Variants in URB1 observed in about 807,000 individuals in gnomAD.
URB1 encodes the protein nucleolar pre-ribosomal-associated protein 1.
URB1 carries 197 observed loss-of-function variants against 242.3 expected under a neutral mutation model. That is an observed-to-expected ratio of 0.81 (90% CI 0.72 to 0.91). The LOEUF (loss-of-function observed/expected upper bound fraction) is 0.91. Among genes scored for constraint, URB1 ranks in the 40% least tolerant of loss-of-function variants. The pLI, the probability that URB1 is intolerant of heterozygous loss-of-function variation, is 0.00. For missense variants in URB1, 2,721 were observed against 2,860.5 expected, an observed-to-expected ratio of 0.95 and a Z score of 1.11; for synonymous variants, 1,153 against 1,201.8, an observed-to-expected ratio of 0.96 and a Z score of 0.84.
At chr21:32,316,088 T>C (rs1012182464) in intron 38 of URB1, among the ~76,000 whole-genome samples, 2 of 152,222 alleles carry the variant, frequency 1.3e-5, no homozygotes, top group East Asian at 1.9e-4. Flanking sequence ...TGCGCACACA[T>C]GCAAGCATAC....
intron 30 of URB1, among the ~76,000 whole-genome samples, chr21:32,328,534 T>C (rs1419052867): frequency 6.6e-6 from 1 of 152,232 alleles, no homozygotes; most frequent in Non-Finnish European, 1.5e-5. Context: ...TTATATTGTT[T>C]TACAAAAGAT....
chr21:32,354,682 T>A (rs2123589878), intron 17 of URB1, among the ~76,000 whole-genome samples, 177 bp downstream of exon 17: 1 of 152,302 alleles, frequency 6.6e-6, no homozygotes, highest in East Asian at 1.9e-4. Context: ...ACAACAAGTG[T>A]TTCCCATTAC....
Position 32,385,559 on chromosome 21 carries a change from G to A in URB1, c.268C>T (p.Arg90Ter), listed in dbSNP as rs772154689. The change falls in exon 2 of 39, where the codon CGA becomes TGA. Residue 90 changes from arginine to a stop codon, truncating the protein, a stop_gained. Transcript: ENST00000382751. LOFTEE classifies it high-confidence loss of function. Reference protein sequence around the residue: ...EIFQLLSGEKRPESETMLIFQ... With the variant: ...EIFQLLSGEK ...GAACAACTTACTTCACTTTCAGGTCGTTTCTCTCCACTTAGGAGCTGGAAA... is the reference window on the plus strand; with the variant it reads ...GAACAACTTACTTCACTTTCAGGTCATTTCTCTCCACTTAGGAGCTGGAAA... The A allele has an allele frequency of 1.2e-5, 18 of 1,551,732 alleles. No homozygotes were observed. The South Asian group carries it at 1.4e-4, about 12-fold the overall frequency.
At chr21:32,372,146 T>C (rs748166524) in intron 8 of URB1, among the ~76,000 whole-genome samples, 1 of 152,196 alleles carries the variant, frequency 6.6e-6, no homozygotes, top group South Asian at 2.1e-4. Context: ...GGCATAACAA[T>C]GGTACCTGCG....
chr21:32,350,609 G>A, intron 20 of URB1, 95 bp downstream of exon 20: 2 of 1,385,020 alleles, frequency 1.4e-6, no homozygotes, highest in South Asian at 1.4e-5. Context: ...GTTCCAGGGA[G>A]CAAGAGTGTG....
Position 32,372,541 on chromosome 21 carries a change from T to G in URB1, c.967A>C (p.Asn323His). The G allele has an allele frequency of 6.4e-7, 1 of 1,551,642 alleles. No homozygotes were observed. Among genetic ancestry groups the G allele is most frequent in the Non-Finnish European group, 8.7e-7 (1 of 1,146,984 alleles). Reference sequence around the variant, plus strand: ...GTACCCAAAGATGCATCGTAAAAATTAATTCCATGCTTGAGTGAACAGCAA... The same window carrying G: ...GTACCCAAAGATGCATCGTAAAAATGAATTCCATGCTTGAGTGAACAGCAA... ...DLCCSLKHGI[N>H]FYDASLGTFG... The change falls in exon 8 of 39, where the codon AAT (asparagine) becomes CAT (histidine). Residue 323 changes from asparagine to histidine, a missense_variant. Coordinates refer to ENST00000382751, the MANE Select transcript of URB1 (RefSeq NM_014825.3).
rs1383999952 is a variant in URB1, at chr21:32,319,397, A to C, written c.5612T>G (p.Leu1871Arg). The C allele has an allele frequency of 6.5e-7, 1 of 1,527,302 alleles. No individual in the cohort carries two copies. The allele number at this position is 1,527,302 out of a possible 1,614,324, so 94.6% of individuals were successfully genotyped here. A position where few individuals can be genotyped will look rare whatever the true frequency, so the allele number is the denominator to read the frequency against. Reference protein sequence around the residue: ...ILESKFLETPLLSNVISLLHT... With the variant: ...ILESKFLETPRLSNVISLLHT... Reference sequence around the variant, plus strand: ...TAGCAAGGAGATCACATTAGACAGCAGCGGAGTCTCCAGAAACCTAAAACC... The same window carrying C: ...TAGCAAGGAGATCACATTAGACAGCCGCGGAGTCTCCAGAAACCTAAAACC... The change falls in exon 36 of 39, where the codon CTG becomes CGG. Residue 1871 changes from leucine to arginine, a missense_variant. Leu to Arg is a moderately radical substitution (Grantham distance 102). Transcript: ENST00000382751.
chr21:32,341,514 T>G lies in URB1; in HGVS notation c.4268A>C (p.Asn1423Thr). The G allele has an allele frequency of 6.4e-7, 1 of 1,551,518 alleles. No homozygotes were observed. The highest frequency in any genetic ancestry group is 8.7e-7 in the Non-Finnish European group (1 of 1,146,992). The change falls in exon 25 of 39, where the codon AAT becomes ACT. Residue 1423 changes from asparagine (N) to threonine (T), a missense_variant. Asn to Thr is a moderately conservative substitution (Grantham distance 65, BLOSUM62 0). Transcript: ENST00000382751. Reference protein sequence around the residue: ...LRLNALLHALNEVDPGDWQKF... With the variant: ...LRLNALLHALTEVDPGDWQKF... ...CTGCCAGTCACCAGGATCAACTTCA[T>G]TAAGTGCATGCTATGAATAAAATAA...
chr21:32,344,541 A>C lies in URB1; in HGVS notation c.4257+29T>G, dbSNP rs1251208564. On this transcript the variant is annotated intron_variant, in intron 24 of 38. Coordinates refer to ENST00000382751, the MANE Select transcript of URB1 (RefSeq NM_014825.3). ...AGCATACTCTTTCCCACAGAAATTT[A>C]ATCTGGATCTCTAAGAAAAGACACT... 1.9e-6 allele frequency: 3 copies of C among 1,547,692 alleles called. No individual in the cohort carries two copies. In the Admixed American group the frequency reaches 5.9e-5, roughly 30 times the overall value.
At chr21:32,387,861 C>G (rs2033599902) in intron 1 of URB1, among the ~76,000 whole-genome samples, 1 of 152,158 alleles carries the variant, frequency 6.6e-6, no homozygotes, top group Non-Finnish European at 1.5e-5. Context: ...CTAGTCAGCA[C>G]CTCTGAACAC....
chr21:32,329,894 A>G (rs1187498241), intron 30 of URB1, among the ~76,000 whole-genome samples: 1 of 152,210 alleles, frequency 6.6e-6, no homozygotes, highest in Non-Finnish European at 1.5e-5. Flanking sequence ...AGCAAAGATT[A>G]CATCATGTGT....
chr21:32,360,897 T>A, intron 13 of URB1, 110 bp downstream of exon 13: 1 of 659,306 alleles, frequency 1.5e-6, no homozygotes, highest in Non-Finnish European at 2.5e-6. Context: ...GGCTGACGGA[T>A]GAGCACGCAG....
intron 8 of URB1, 141 bp downstream of exon 8, chr21:32,372,366 A>G: frequency 8.5e-7 from 1 of 1,169,836 alleles, no homozygotes; most frequent in South Asian, 1.8e-5. Context: ...CTCTGGGACT[A>G]CAACTGTTCA....
At chr21:32,373,189 T>C (rs1211072293) in intron 7 of URB1, among the ~76,000 whole-genome samples, 3 of 151,966 alleles carry the variant, frequency 2.0e-5, no homozygotes, top group Non-Finnish European at 4.4e-5. Context: ...CAAAATAAAT[T>C]ATATATGTCA....
intron 15 of URB1, among the ~76,000 whole-genome samples, chr21:32,357,182 T>C (rs2033230282): frequency 6.6e-6 from 1 of 152,148 alleles, no homozygotes. Flanking sequence ...CTGTGGGTGA[T>C]GGATTCTGGC....
intron 13 of URB1, 97 bp from the exon 14 acceptor site, chr21:32,360,005 G>A: frequency 1.8e-6 from 2 of 1,089,784 alleles, no homozygotes; most frequent in Admixed American, 2.5e-5. Flanking sequence ...TCACCATGGA[G>A]AAAGAAAAAG....
At chr21:32,317,990 T>G (rs961589337) in intron 36 of URB1, 73 bp from the exon 37 acceptor site, 27 of 1,521,358 alleles carry the variant, frequency 1.8e-5, no homozygotes, top group Non-Finnish European at 2.4e-5. Flanking sequence ...TGCGGCACCC[T>G]GACGACATCA....
chr21:32,387,336 T>C (rs1478933156), intron 1 of URB1, among the ~76,000 whole-genome samples: 1 of 152,148 alleles, frequency 6.6e-6, no homozygotes, highest in East Asian at 1.9e-4. Context: ...GGAGAATCAC[T>C]TGAATCCGGG....
chr21:32,361,882 G>C lies in URB1; in HGVS notation c.1639+10C>G, dbSNP rs1209256687. 7 of 1,550,570 alleles carry C rather than the reference G, an allele frequency of 4.5e-6. No homozygotes were observed. In the East Asian group the frequency reaches 1.2e-4, roughly 27 times the overall value. On this transcript the variant is annotated intron_variant, in intron 12 of 38. Coordinates refer to ENST00000382751, the MANE Select transcript of URB1 (RefSeq NM_014825.3). ...AAGGCAGAGGGTCCCCCTCACCCCT[G>C]AGACCTTACCGCACTGGTGAGCATC...
Sources: allele counts gnomAD v4.1 joint callset (sites outside exome capture counted in the v4.1 genomes callset), GRCh38; gene constraint gnomAD v4.1.1; transcripts MANE v1.5; gene names NCBI Gene and HGNC (gene_info 2026-07-23, HGNC 2026-07-21).